Variants in NKAIN2 observed in about 807,000 individuals in gnomAD.
NKAIN2 encodes sodium/potassium transporting ATPase interacting 2.
Under a neutral mutation model 32.6 loss-of-function variants are expected in NKAIN2, and 14 were observed. The observed-to-expected ratio is 0.43, with a 90% CI of 0.28 to 0.67. NKAIN2 has a LOEUF of 0.67. Among genes scored for constraint, NKAIN2 ranks in the 30% least tolerant of loss-of-function variants. The pLI, the probability that NKAIN2 is intolerant of heterozygous loss-of-function variation, is 0.17. For synonymous variants in NKAIN2, 80 were observed against 87.2 expected (o/e 0.92, Z 0.46); for missense variants, 198 against 258.3 (o/e 0.77, Z 1.60).
intron 3 of NKAIN2, among the ~76,000 whole-genome samples, chr6:124,512,781 A>T (rs74962211): frequency 0.015 from 2,226 of 152,248 alleles, 55 homozygotes; most frequent in African/African-American, 0.051. Context: ...GAGCAAATAG[A>T]TGATAGTTGA....
At chr6:124,166,265 C>T (rs1480867441) in intron 1 of NKAIN2, among the ~76,000 whole-genome samples, 1 of 150,086 alleles carries the variant, frequency 6.7e-6, no homozygotes, top group East Asian at 2.0e-4. Context: ...CTCTGATGGC[C>T]AGTGATGGTG....
At chr6:123,860,126 A>G (rs993952285) in intron 1 of NKAIN2, among the ~76,000 whole-genome samples, 5 of 152,158 alleles carry the variant, frequency 3.3e-5, no homozygotes, top group African/African-American at 9.7e-5. Context: ...CTGAAAACAC[A>G]TCTACTCTCT....
intron 1 of NKAIN2, among the ~76,000 whole-genome samples, chr6:124,244,037 T>C (rs954526245): frequency 9.9e-5 from 15 of 151,902 alleles, no homozygotes; most frequent in African/African-American, 3.6e-4. Context: ...ACCTAGCCAA[T>C]AGAAATGATT....
chr6:124,745,944 A>C (rs1436121368), intron 4 of NKAIN2, among the ~76,000 whole-genome samples: 1 of 151,928 alleles, frequency 6.6e-6, no homozygotes, highest in Non-Finnish European at 1.5e-5. Flanking sequence ...AAGGCCAGAA[A>C]GAGCAATGGG....
At chr6:124,775,639 G>A (rs1377388940) in intron 4 of NKAIN2, among the ~76,000 whole-genome samples, 1 of 152,050 alleles carries the variant, frequency 6.6e-6, no homozygotes, top group Non-Finnish European at 1.5e-5. Context: ...AAAGTGAATT[G>A]TAATTGCATG....
At chr6:124,697,034 G>T (rs1245815826) in intron 4 of NKAIN2, among the ~76,000 whole-genome samples, 1 of 152,008 alleles carries the variant, frequency 6.6e-6, no homozygotes, top group Admixed American at 6.6e-5. Flanking sequence ...CATAGCTTTT[G>T]TTACCTCCAT....
intron 1 of NKAIN2, among the ~76,000 whole-genome samples, chr6:124,151,812 T>C (rs900465946): frequency 2.6e-5 from 4 of 152,142 alleles, no homozygotes; most frequent in Admixed American, 6.6e-5. Flanking sequence ...GAAGTACTTG[T>C]ACAAAATTTA....
intron 3 of NKAIN2, among the ~76,000 whole-genome samples, chr6:124,394,821 A>C (rs750124950): frequency 1.3e-4 from 20 of 152,162 alleles, no homozygotes; most frequent in Non-Finnish European, 2.5e-4. Flanking sequence ...ACAAACACCC[A>C]TAATAGTGTT....
At chr6:124,371,314 G>C (rs1312488769) in intron 3 of NKAIN2, among the ~76,000 whole-genome samples, 2 of 151,912 alleles carry the variant, frequency 1.3e-5, no homozygotes, top group East Asian at 3.9e-4. Flanking sequence ...AGACAAGAGT[G>C]TTTCCCTACA....
chr6:124,550,580 T>C (rs781732419), intron 3 of NKAIN2, among the ~76,000 whole-genome samples: 7 of 152,274 alleles, frequency 4.6e-5, no homozygotes, highest in Admixed American at 2.0e-4. Flanking sequence ...GTGTCAGTGC[T>C]TCCAGCCACA....
Position 124,804,389 on chromosome 6 carries a change from A to G in NKAIN2, c.535+12990A>G, listed in dbSNP as rs144719261. 801 of 421,298 alleles carry G rather than the reference A, an allele frequency of 1.9e-3. 5 individuals are homozygous for G. The highest frequency in any genetic ancestry group is 0.016 in the African/African-American group (738 of 46,654). 26.1% of individuals were successfully genotyped at this position (421,298 alleles called of 1,614,324 possible). Reference sequence around the variant, plus strand: ...CCTTTAGAACCAAAAGCTTAAAGTGATTTTTCAGCTAACGATATACTTTAT... The same window carrying G: ...CCTTTAGAACCAAAAGCTTAAAGTGGTTTTTCAGCTAACGATATACTTTAT... On this transcript the variant is annotated intron_variant, in intron 5 of 6. Transcript: ENST00000368417.
chr6:124,743,520 C>A (rs1484316117), intron 4 of NKAIN2, among the ~76,000 whole-genome samples: 1 of 151,720 alleles, frequency 6.6e-6, no homozygotes, highest in Non-Finnish European at 1.5e-5. Context: ...TTTAGTGAAT[C>A]TCCCGACCCT....
intron 1 of NKAIN2, among the ~76,000 whole-genome samples, chr6:124,110,977 C>A (rs1296196208): frequency 6.6e-6 from 1 of 151,956 alleles, no homozygotes; most frequent in Non-Finnish European, 1.5e-5. Context: ...GTCATCTTAT[C>A]CTGGGCTTTT....
chr6:123,947,437 GTTTC>G (rs914853676), intron 1 of NKAIN2, among the ~76,000 whole-genome samples: 1 of 152,058 alleles, frequency 6.6e-6, no homozygotes, highest in Non-Finnish European at 1.5e-5. Flanking sequence ...CCTCTATGTT[GTTTC>G]TTTTTCTTCC....
chr6:124,135,486 A>G (rs999711182), intron 1 of NKAIN2, among the ~76,000 whole-genome samples: 2 of 146,754 alleles, frequency 1.4e-5, no homozygotes, highest in African/African-American at 5.1e-5. Flanking sequence ...TTCTTATATC[A>G]CACAAAACAG....
In NKAIN2 at chr6:123,892,207, G is replaced by A. The variant is rs1262964098; in HGVS notation, c.54+87953G>A. Among the ~76,000 whole-genome samples, 6 of 152,206 alleles carry A rather than the reference G, an allele frequency of 3.9e-5. No homozygotes were observed. In the East Asian group the frequency reaches 9.6e-4, roughly 24 times the overall value. ...TACATACTTGGCCCCAGCCACAAAT[G>A]TGCAGTGCCCTTTAACATATGAATC... On this transcript the variant is annotated intron_variant, in intron 1 of 6. Coordinates refer to ENST00000368417, the MANE Select transcript of NKAIN2 (RefSeq NM_001040214.3).
chr6:123,880,455 G>A (rs901898041), intron 1 of NKAIN2, among the ~76,000 whole-genome samples: 6 of 152,140 alleles, frequency 3.9e-5, no homozygotes, highest in African/African-American at 7.2e-5. Context: ...TTAGTTGCAC[G>A]GAAATACCTG....
chr6:124,523,201 T>C (rs1779189071), intron 3 of NKAIN2, among the ~76,000 whole-genome samples: 2 of 152,024 alleles, frequency 1.3e-5, no homozygotes, highest in African/African-American at 2.4e-5. Flanking sequence ...AACTATTCAT[T>C]TCCCGAATCC....
intron 1 of NKAIN2, among the ~76,000 whole-genome samples, chr6:123,839,014 T>C (rs980059109): frequency 9.9e-5 from 15 of 152,156 alleles, no homozygotes; most frequent in African/African-American, 3.4e-4. Flanking sequence ...ATCTGCACCG[T>C]AGCTATCCTG....
Sources: allele counts gnomAD v4.1 joint callset (sites outside exome capture counted in the v4.1 genomes callset), GRCh38; gene constraint gnomAD v4.1.1; transcripts MANE v1.5; gene names NCBI Gene and HGNC (gene_info 2026-07-23, HGNC 2026-07-21).